The following XRCC4 variants were observed in gnomAD, a reference collection of about 807,000 sequenced individuals.
The protein encoded by XRCC4 is X-ray repair cross complementing 4.
A neutral mutation model predicts 39.1 loss-of-function variants in XRCC4; 28 were observed. The ratio of observed to expected loss-of-function variants is 0.72; its 90% CI spans 0.53 to 0.98. The LOEUF (loss-of-function observed/expected upper bound fraction) is 0.98. XRCC4 is among the 50% of genes least tolerant of loss of function. The pLI is 0.00. For missense variants in XRCC4, 350 were observed against 376.4 expected (o/e 0.93, Z 0.58); for synonymous variants, 123 against 126.4 (o/e 0.97, Z 0.18).
intron 6 of XRCC4, among the ~76,000 whole-genome samples, chr5:83,240,876 G>T (rs1279199578): frequency 6.6e-6 from 1 of 152,154 alleles, no homozygotes; most frequent in African/African-American, 2.4e-5. Flanking sequence ...AAAAACCAGT[G>T]ATTATATTTA....
chr5:83,144,334 A>G (rs542489087), intron 3 of XRCC4, among the ~76,000 whole-genome samples: 7 of 148,098 alleles, frequency 4.7e-5, no homozygotes, highest in Middle Eastern at 3.5e-3. Flanking sequence ...TGTAGTCAGT[A>G]TATACTGAAC....
intron 3 of XRCC4, among the ~76,000 whole-genome samples, chr5:83,162,507 C>T (rs780845820): frequency 3.3e-5 from 5 of 152,248 alleles, no homozygotes; most frequent in Middle Eastern, 3.4e-3. Context: ...TTAGTGGAAT[C>T]CTCACTGCCT....
chr5:83,099,535 A>G (rs1189993765), intron 1 of XRCC4, among the ~76,000 whole-genome samples: 3 of 152,220 alleles, frequency 2.0e-5, no homozygotes, highest in Non-Finnish European at 4.4e-5. Flanking sequence ...CTTAGATCAC[A>G]TCAATTGCAT....
chr5:83,351,719 A>T (rs1233488741), intron 7 of XRCC4, among the ~76,000 whole-genome samples: 1 of 152,074 alleles, frequency 6.6e-6, no homozygotes, highest in Non-Finnish European at 1.5e-5. Flanking sequence ...TCCTGTGATG[A>T]TGTTGTCTGA....
chr5:83,365,849 G>A, the XRCC4 span, among the ~76,000 whole-genome samples: 3 of 152,170 alleles, frequency 2.0e-5, no homozygotes, highest in Non-Finnish European at 4.4e-5. Context: ...CTTCATTCTT[G>A]GAGACTTGGT....
At chr5:83,108,817 T>C (rs1426702408) in intron 2 of XRCC4, among the ~76,000 whole-genome samples, 1 of 151,128 alleles carries the variant, frequency 6.6e-6, no homozygotes, top group Non-Finnish European at 1.5e-5. Flanking sequence ...ACACAAAATA[T>C]GAAATTATTC....
chr5:83,243,977 T>A (rs765216214), intron 6 of XRCC4, among the ~76,000 whole-genome samples: 1 of 152,112 alleles, frequency 6.6e-6, no homozygotes, highest in Non-Finnish European at 1.5e-5. Flanking sequence ...ATGGAGGAAG[T>A]AATATTGGAG....
At chr5:83,303,851 T>C (rs1214515081) in intron 7 of XRCC4, among the ~76,000 whole-genome samples, 1 of 152,156 alleles carries the variant, frequency 6.6e-6, no homozygotes, top group East Asian at 1.9e-4. Flanking sequence ...ATAGAAAACA[T>C]TGACAATATT....
At chr5:83,360,634 C>G in the XRCC4 span, among the ~76,000 whole-genome samples, 3 of 152,036 alleles carry the variant, frequency 2.0e-5, no homozygotes, top group African/African-American at 7.2e-5. Context: ...AGTCAAATCT[C>G]TGCTATGAGG....
At chr5:83,348,965 T>C (rs1298519206) in intron 7 of XRCC4, among the ~76,000 whole-genome samples, 1 of 151,808 alleles carries the variant, frequency 6.6e-6, no homozygotes, top group Non-Finnish European at 1.5e-5. Context: ...ATAACTTCCT[T>C]ATCTCCATCT....
intron 6 of XRCC4, among the ~76,000 whole-genome samples, chr5:83,254,321 G>C (rs796714094): frequency 2.0e-5 from 3 of 152,006 alleles, no homozygotes; most frequent in African/African-American, 7.2e-5. Flanking sequence ...TTTCTTTTCT[G>C]CTGCCCATAT....
At chr5:83,163,032 C>G (rs1383651584) in intron 3 of XRCC4, among the ~76,000 whole-genome samples, 2 of 149,628 alleles carry the variant, frequency 1.3e-5, no homozygotes, top group Non-Finnish European at 3.0e-5. Context: ...TCACTGCAAC[C>G]TCCACCTCCC....
chr5:83,220,092 T>C (rs28360166), intron 6 of XRCC4, among the ~76,000 whole-genome samples: 2,392 of 152,194 alleles, frequency 0.016, 57 homozygotes, highest in African/African-American at 0.054. Flanking sequence ...ATTGTGGGTA[T>C]AATTGAGTAT....
chr5:83,243,666 G>A (rs1391221758), intron 6 of XRCC4, among the ~76,000 whole-genome samples: 4 of 152,120 alleles, frequency 2.6e-5, no homozygotes, highest in Non-Finnish European at 5.9e-5. Flanking sequence ...TACAGCATGC[G>A]GTTACCTTGG....
intron 7 of XRCC4, among the ~76,000 whole-genome samples, chr5:83,331,948 G>A (rs1756449162): frequency 6.6e-6 from 1 of 152,094 alleles, no homozygotes; most frequent in African/African-American, 2.4e-5. Flanking sequence ...AGTACCAAAT[G>A]ACTTCAACAG....
At chr5:83,131,579 A>G (rs1344820590) in intron 3 of XRCC4, among the ~76,000 whole-genome samples, 2 of 152,170 alleles carry the variant, frequency 1.3e-5, no homozygotes, top group Non-Finnish European at 2.9e-5. Context: ...GGGTGAATAT[A>G]CATTTAGGAT....
At chr5:83,230,459 T>A (rs1752456191) in intron 6 of XRCC4, among the ~76,000 whole-genome samples, 1 of 152,006 alleles carries the variant, frequency 6.6e-6, no homozygotes, top group Non-Finnish European at 1.5e-5. Flanking sequence ...ATGTGTGAAG[T>A]ATTATGTAGT....
intron 3 of XRCC4, among the ~76,000 whole-genome samples, chr5:83,149,165 G>T (rs1036566608): frequency 1.2e-4 from 19 of 152,146 alleles, no homozygotes; most frequent in African/African-American, 3.4e-4. Context: ...GCCACGCATA[G>T]ATTTGGATCA....
At chr5:83,338,206 G>C (rs1347327728) in intron 7 of XRCC4, among the ~76,000 whole-genome samples, 1 of 152,182 alleles carries the variant, frequency 6.6e-6, no homozygotes, top group Non-Finnish European at 1.5e-5. Flanking sequence ...TGTAGGACTA[G>C]AAAGTAATAA....
Sources: allele counts gnomAD v4.1 joint callset (sites outside exome capture counted in the v4.1 genomes callset), GRCh38; gene constraint gnomAD v4.1.1; transcripts MANE v1.5; gene names NCBI Gene and HGNC (gene_info 2026-07-23, HGNC 2026-07-21).